Variants in ALK observed in about 807,000 individuals in gnomAD.
ALK encodes ALK tyrosine kinase receptor.
A neutral mutation model predicts 163.1 loss-of-function variants in ALK; 74 were observed. The observed-to-expected ratio is 0.45, with a 90% CI of 0.38 to 0.55. The LOEUF (loss-of-function observed/expected upper bound fraction) is 0.55. ALK is among the 20% of genes least tolerant of loss of function. The pLI, the probability that ALK is intolerant of heterozygous loss-of-function variation, is 0.00. For synonymous variants in ALK, 960 were observed against 843.2 expected (o/e 1.14, Z -2.40); for missense variants, 2,063 against 2,105.3 (o/e 0.98, Z 0.39).
chr2:29,613,726 C>A (rs1558408428), intron 3 of ALK, among the ~76,000 whole-genome samples: 1 of 152,208 alleles, frequency 6.6e-6, no homozygotes, highest in South Asian at 2.1e-4. Flanking sequence ...AAATACACAG[C>A]ATTTTATACC....
At chr2:29,718,793 G>A (rs1679339916) in intron 1 of ALK, among the ~76,000 whole-genome samples, 3 of 152,182 alleles carry the variant, frequency 2.0e-5, no homozygotes, top group Admixed American at 2.0e-4. Flanking sequence ...TGGTGAATGG[G>A]CTGACCTGCT....
chr2:29,393,087 A>G (rs537734504), intron 4 of ALK, among the ~76,000 whole-genome samples: 1 of 152,318 alleles, frequency 6.6e-6, no homozygotes, highest in Non-Finnish European at 1.5e-5. Flanking sequence ...TGAGTGCTCA[A>G]GGTTATTCTT....
chr2:29,701,109 G>C (rs1347504110), intron 2 of ALK, among the ~76,000 whole-genome samples: 1 of 152,134 alleles, frequency 6.6e-6, no homozygotes, highest in Non-Finnish European at 1.5e-5. Flanking sequence ...AGGGAGCTTG[G>C]TGCATTTTGG....
intron 5 of ALK, among the ~76,000 whole-genome samples, chr2:29,379,624 C>T (rs1447081719): frequency 6.6e-6 from 1 of 152,032 alleles, no homozygotes; most frequent in Non-Finnish European, 1.5e-5. Context: ...GTAAGGTGGT[C>T]CAGTATAGGC....
intron 23 of ALK, among the ~76,000 whole-genome samples, chr2:29,218,842 T>C (rs11896862): frequency 0.39 from 59,029 of 152,206 alleles, 12,806 homozygotes; most frequent in Non-Finnish European, 0.49. Flanking sequence ...AGGCTCTGCC[T>C]TCCTAGGTGG....
At chr2:29,566,057 T>C (rs1378584619) in intron 3 of ALK, among the ~76,000 whole-genome samples, 4 of 152,094 alleles carry the variant, frequency 2.6e-5, no homozygotes, top group East Asian at 1.9e-4. Context: ...TTAAGGCTGG[T>C]TGAGTGACAA....
rs371619717 is a variant in ALK, at chr2:29,704,501, C to A, written c.788-9487G>T. Among the ~76,000 whole-genome samples, 34 of 152,252 alleles carry A rather than the reference C, an allele frequency of 2.2e-4. No individual in the cohort carries two copies. In the East Asian group the frequency reaches 4.6e-3, roughly 21 times the overall value. ...TTGTTATTATTATAATTATTCAAAG[C>A]TGTGTATAACAAAAAACAATATCTT... On this transcript the variant is annotated intron_variant, in intron 2 of 28. Coordinates refer to ENST00000389048, the MANE Select transcript of ALK (RefSeq NM_004304.5).
chr2:29,366,515 G>T (rs1301904729), intron 5 of ALK, among the ~76,000 whole-genome samples: 1 of 152,198 alleles, frequency 6.6e-6, no homozygotes, highest in Non-Finnish European at 1.5e-5. Flanking sequence ...TGGTCGAGAG[G>T]GTGTGGGCAG....
intron 5 of ALK, among the ~76,000 whole-genome samples, chr2:29,332,352 A>G (rs1466600888): frequency 6.7e-6 from 1 of 148,780 alleles, no homozygotes; most frequent in East Asian, 1.9e-4. Context: ...CAACCTCCTG[A>G]ACAAATCTAG....
At chr2:29,432,302 A>T (rs1670290862) in intron 4 of ALK, among the ~76,000 whole-genome samples, 1 of 152,066 alleles carries the variant, frequency 6.6e-6, no homozygotes, top group Non-Finnish European at 1.5e-5. Flanking sequence ...ATTAGTTCCC[A>T]TGAGATCTGG....
intron 1 of ALK, among the ~76,000 whole-genome samples, chr2:29,780,851 G>C (rs891845650): frequency 1.3e-5 from 2 of 152,200 alleles, no homozygotes; most frequent in African/African-American, 4.8e-5. Context: ...AATTTTTTAA[G>C]ATCAGTTCCT....
At chr2:29,625,091 C>A (rs10177364) in intron 3 of ALK, among the ~76,000 whole-genome samples, 1 of 152,008 alleles carries the variant, frequency 6.6e-6, no homozygotes, top group African/African-American at 2.4e-5. Flanking sequence ...TGTGTCCACA[C>A]TGGTGGCCGT....
In ALK at chr2:29,442,543, C is replaced by T. The variant is rs964685430; in HGVS notation, c.1155-58684G>A. Among the ~76,000 whole-genome samples, 10 of 152,052 alleles carry T rather than the reference C, an allele frequency of 6.6e-5. 1 individual carries two copies. Among genetic ancestry groups the T allele is most frequent in the Admixed American group, 5.2e-4 (8 of 15,270 alleles). ...GACCTGGCGATCTTCAATATTCTCC[C>T]TTGAGTCTTGGGTACTCTCCCTTAG... On this transcript the variant is annotated intron_variant, in intron 4 of 28. Coordinates refer to ENST00000389048, the MANE Select transcript of ALK (RefSeq NM_004304.5).
intron 1 of ALK, among the ~76,000 whole-genome samples, chr2:29,878,178 A>G (rs904994587): frequency 6.6e-6 from 1 of 152,178 alleles, no homozygotes; most frequent in Middle Eastern, 3.2e-3. Flanking sequence ...CCACCTGTTT[A>G]CCATTTGTAA....
chr2:29,848,247 T>C (rs769695461), intron 1 of ALK, among the ~76,000 whole-genome samples: 2 of 151,078 alleles, frequency 1.3e-5, no homozygotes, highest in Non-Finnish European at 2.9e-5. Context: ...AAAATTGATA[T>C]TTTGAATTGC....
chr2:29,827,882 A>G lies in ALK; in HGVS notation c.667+92111T>C, dbSNP rs546867074. Among the ~76,000 whole-genome samples, 97 of 152,346 alleles carry G rather than the reference A, an allele frequency of 6.4e-4. 1 individual carries two copies. The highest frequency in any genetic ancestry group is 2.2e-3 in the African/African-American group (92 of 41,580). Reference sequence around the variant, plus strand: ...AAGTCAATCCTAAGCCAAAAGAAGAAAGCTGGAGGCATCACGCTATCTGAC... The same window carrying G: ...AAGTCAATCCTAAGCCAAAAGAAGAGAGCTGGAGGCATCACGCTATCTGAC... On this transcript the variant is annotated intron_variant, in intron 1 of 28. Transcript: ENST00000389048.
chr2:29,704,858 G>T (rs181145771), intron 2 of ALK, among the ~76,000 whole-genome samples: 1 of 152,232 alleles, frequency 6.6e-6, no homozygotes, highest in South Asian at 2.1e-4. Context: ...TCAGCCTTGT[G>T]CTTGGGGCAA....
chr2:29,622,472 G>A (rs1373047265), intron 3 of ALK, among the ~76,000 whole-genome samples: 1 of 152,140 alleles, frequency 6.6e-6, no homozygotes, highest in Non-Finnish European at 1.5e-5. Flanking sequence ...GAATAGCACG[G>A]GAAAGACCAG....
At chr2:29,197,742 C>T (rs2148143823) in intron 26 of ALK, 66 bp from the exon 27 acceptor site, 2 of 1,277,734 alleles carry the variant, frequency 1.6e-6, no homozygotes, top group South Asian at 2.4e-5. Context: ...CACACACACA[C>T]AGGCACACAG....
Sources: allele counts gnomAD v4.1 joint callset (sites outside exome capture counted in the v4.1 genomes callset), GRCh38; gene constraint gnomAD v4.1.1; transcripts MANE v1.5; gene names NCBI Gene and HGNC (gene_info 2026-07-23, HGNC 2026-07-21).